Variants in PRKN observed in about 807,000 individuals in gnomAD.
PRKN encodes parkin RBR E3 ubiquitin protein ligase, also known as E3 ubiquitin-protein ligase parkin.
In PRKN, 56 loss-of-function variants were observed where a neutral mutation model predicts 59.5. That is an observed-to-expected ratio of 0.94 (90% CI 0.76 to 1.18). The LOEUF (loss-of-function observed/expected upper bound fraction) is 1.18. Among genes scored for constraint, PRKN ranks in the 50% most tolerant of loss-of-function variants. PRKN has a pLI of 0.00. For synonymous variants in PRKN, 250 were observed against 222.1 expected (o/e 1.13, Z -1.12); for missense variants, 657 against 596.4 (o/e 1.10, Z -1.06).
Position 161,400,980 on chromosome 6 carries a change from G to A in PRKN, c.1084-14103C>T, listed in dbSNP as rs1362772112. 2.0e-5 allele frequency among the ~76,000 whole-genome samples: 3 copies of A among 152,176 alleles called. No individual in the cohort carries two copies. The highest frequency in any genetic ancestry group is 1.3e-4 in the Admixed American group (2 of 15,284). On this transcript the variant is annotated intron_variant, in intron 9 of 11. Coordinates refer to ENST00000366898, the MANE Select transcript of PRKN (RefSeq NM_004562.3). The surrounding 1 kb of genome is among the most constrained non-coding windows in gnomAD (Gnocchi z 4.2). ...CAGGCCATTACTCAAGGGGAAGACT[G>A]TTGATCAGAGTACACTGCAAACAAA...
chr6:162,450,412 T>TAATCCCCTTGTGAATGTA (rs1451242558), intron 1 of PRKN, among the ~76,000 whole-genome samples: 4 of 148,366 alleles, frequency 2.7e-5, no homozygotes, highest in African/African-American at 9.9e-5. Context: ...CCTATGATTG[T>TAATCCCCTTGTGAATGTA]AACACCCCTG....
At chr6:161,449,655 C>A (rs562873116) in intron 9 of PRKN, among the ~76,000 whole-genome samples, 1 of 152,290 alleles carries the variant, frequency 6.6e-6, no homozygotes, top group African/African-American at 2.4e-5. Flanking sequence ...AAACTGGCAT[C>A]TAGACCTCAA....
At chr6:162,586,362 G>A (rs9347669) in intron 1 of PRKN, among the ~76,000 whole-genome samples, 93,587 of 152,046 alleles carry the variant, frequency 0.62, 29,621 homozygotes, top group East Asian at 0.95. Flanking sequence ...AAACTAAAAT[G>A]TACTCTGCTA....
chr6:162,675,270 G>A (rs752612614), intron 1 of PRKN, among the ~76,000 whole-genome samples: 2 of 151,920 alleles, frequency 1.3e-5, no homozygotes, highest in Non-Finnish European at 2.9e-5. Flanking sequence ...GAATGGTCTC[G>A]ATCTCTTGAC....
At chr6:161,686,093 A>G (rs1295695298) in intron 7 of PRKN, among the ~76,000 whole-genome samples, 1 of 147,966 alleles carries the variant, frequency 6.8e-6, no homozygotes, top group African/African-American at 2.5e-5. Context: ...AAAAAAAAAA[A>G]GAGTGGGTAA....
rs1002102168 is a variant in PRKN, at chr6:161,377,895, C to G, written c.1167+8899G>C. On this transcript the variant is annotated intron_variant, in intron 10 of 11. Coordinates refer to ENST00000366898, the MANE Select transcript of PRKN (RefSeq NM_004562.3). The surrounding 1 kb of genome is among the most constrained non-coding windows in gnomAD (Gnocchi z 4.2). ...AGTGCATTCATCTTTGACTTCTGAG[C>G]CTCCAGAACTGGAAGGAATAAATGT... is the stretch of plus-strand genomic sequence containing the variant. Among the ~76,000 whole-genome samples, 3 of 152,114 alleles carry G rather than the reference C, an allele frequency of 2.0e-5. No homozygotes were observed. The highest frequency in any genetic ancestry group is 7.2e-5 in the African/African-American group (3 of 41,424).
chr6:162,274,188 T>C (rs5006728), intron 2 of PRKN, among the ~76,000 whole-genome samples: 13 of 144,756 alleles, frequency 9.0e-5, no homozygotes, highest in Admixed American at 8.7e-4. Flanking sequence ...TTAATGTATT[T>C]ATTTATTTAT....
At chr6:161,659,580 G>A (rs897338006) in intron 7 of PRKN, among the ~76,000 whole-genome samples, 5 of 152,094 alleles carry the variant, frequency 3.3e-5, no homozygotes, top group Admixed American at 1.3e-4. Context: ...TGGACAGGGC[G>A]GGACTCTCAC....
At chr6:162,661,565 G>T (rs1462625196) in intron 1 of PRKN, among the ~76,000 whole-genome samples, 3 of 152,090 alleles carry the variant, frequency 2.0e-5, no homozygotes, top group African/African-American at 4.8e-5. Flanking sequence ...GAGCACAGAG[G>T]TTTCTTTACT....
chr6:161,915,339 C>A (rs188444199), intron 6 of PRKN, among the ~76,000 whole-genome samples: 1 of 152,074 alleles, frequency 6.6e-6, no homozygotes, highest in Non-Finnish European at 1.5e-5. Context: ...TTTTCATGAA[C>A]CTGAAAGGTG....
chr6:162,471,096 T>A (rs1388763575), intron 1 of PRKN, among the ~76,000 whole-genome samples: 1 of 98,736 alleles, frequency 1.0e-5, no homozygotes, highest in South Asian at 3.5e-4. Context: ...TTATTTTCAT[T>A]TTTATTTATT....
intron 6 of PRKN, among the ~76,000 whole-genome samples, chr6:161,816,261 C>T (rs1401215937): frequency 6.6e-6 from 1 of 152,062 alleles, no homozygotes; most frequent in African/African-American, 2.4e-5. Flanking sequence ...GAAAGAAACA[C>T]ACACTGGGTA....
chr6:162,366,197 A>T (rs1785428839), intron 2 of PRKN, among the ~76,000 whole-genome samples: 1 of 152,248 alleles, frequency 6.6e-6, no homozygotes, highest in African/African-American at 2.4e-5. Context: ...CCTTGTTCTA[A>T]AGAATCTTTT....
rs34217261 is a variant in PRKN, at chr6:161,490,386, CT to C, written c.1083+58467del. Among the ~76,000 whole-genome samples the C allele has an allele frequency of 7.7e-3, 870 of 112,282 alleles. 8 individuals carry two copies. Among genetic ancestry groups the C allele is most frequent in the African/African-American group, 0.023 (645 of 28,460 alleles). The allele number at this position is 112,282 out of a possible 152,430, so 73.7% of individuals were successfully genotyped here. On this transcript the variant is annotated intron_variant, in intron 9 of 11. Coordinates refer to ENST00000366898, the MANE Select transcript of PRKN (RefSeq NM_004562.3). ...CTCTCTCTCTCTCTTTCTTTCTTTC[CT>C]TTTTTTTTTTTTTTTGAGACAGAGT...
Position 161,446,187 on chromosome 6 carries a change from C to T in PRKN, c.1084-59310G>A, listed in dbSNP as rs1789483521. 6.6e-6 allele frequency among the ~76,000 whole-genome samples: 1 copy of T among 152,142 alleles called. No individual in the cohort carries two copies. Among genetic ancestry groups the T allele is most frequent in the Non-Finnish European group, 1.5e-5 (1 of 68,030 alleles). ...AAGCTAGGATTGTATCACTGCACTC[C>T]AGCCTTGGCAACAGAGAGAGATCTT... On this transcript the variant is annotated intron_variant, in intron 9 of 11. Coordinates refer to ENST00000366898, the MANE Select transcript of PRKN (RefSeq NM_004562.3). The surrounding 1 kb of genome is among the most constrained non-coding windows in gnomAD (Gnocchi z 6.2).
rs1410057220 is a variant in PRKN, at chr6:161,402,129, C to G, written c.1084-15252G>C. Among the ~76,000 whole-genome samples the G allele has an allele frequency of 2.0e-5, 3 of 152,084 alleles. No individual in the cohort carries two copies. The highest frequency in any genetic ancestry group is 1.9e-4 in the East Asian group (1 of 5,182). Reference sequence around the variant, plus strand: ...GACAGTCTCAGTGGCAGGCCAGGCTCTAAAGGCTCCTCTGGATGCCTGTTG... The same window carrying G: ...GACAGTCTCAGTGGCAGGCCAGGCTGTAAAGGCTCCTCTGGATGCCTGTTG... On this transcript the variant is annotated intron_variant, in intron 9 of 11. Transcript: ENST00000366898. The surrounding 1 kb of genome is among the most constrained non-coding windows in gnomAD (Gnocchi z 4.5).
At chr6:161,610,699 G>T (rs944081154) in intron 7 of PRKN, among the ~76,000 whole-genome samples, 1 of 152,090 alleles carries the variant, frequency 6.6e-6, no homozygotes, top group African/African-American at 2.4e-5. Context: ...TGGGGCCAGG[G>T]TGGTCCAGGG....
In PRKN at chr6:161,347,606, C is replaced by CCTTTTTGTT. The variant is rs1562383605; in HGVS notation, c.*2492_*2493insAACAAAAAG. The CCTTTTTGTT allele has an allele frequency of 3.0e-5, 4 of 134,762 alleles. No homozygotes were observed. Among genetic ancestry groups the CCTTTTTGTT allele is most frequent in the South Asian group, 2.5e-4 (1 of 3,952 alleles). 8.3% of individuals were successfully genotyped at this position (134,762 alleles called of 1,614,324 possible). A position where few individuals can be genotyped will look rare whatever the true frequency, so the allele number is the denominator to read the frequency against. ...TGTTCATGTGTAGTGGATGATCTTGCTTTTTTGTTTTTGTTTTTTTTTTTT... is the reference window on the plus strand; with the variant it reads ...TGTTCATGTGTAGTGGATGATCTTGCCTTTTTGTTTTTTTTGTTTTTGTTTTTTTTTTTT... On this transcript the variant is annotated 3_prime_UTR_variant, in exon 12 of 12. Coordinates refer to ENST00000366898, the MANE Select transcript of PRKN (RefSeq NM_004562.3).
chr6:162,455,435 GCC>G, intron 1 of PRKN, among the ~76,000 whole-genome samples: 1 of 152,194 alleles, frequency 6.6e-6, no homozygotes, highest in African/African-American at 2.4e-5. Context: ...ATAGTATATT[GCC>G]CCAAGGCAAC....
Sources: gnomAD v4.1 joint callset for allele counts (sites outside exome capture counted in the v4.1 genomes callset) on GRCh38, gnomAD v4.1.1 for gene constraint, Gnocchi (gnomAD v3.1) non-coding constraint, MANE v1.5 for transcripts, NCBI Gene and HGNC (gene_info 2026-07-23, HGNC 2026-07-21) for gene names.